Variants in CALM2 observed in about 807,000 individuals in gnomAD.
The protein encoded by CALM2 is calmodulin-2.
In CALM2, 2 loss-of-function variants were observed where a neutral mutation model predicts 19.8. That is an observed-to-expected ratio of 0.10 (90% CI 0.04 to 0.32). CALM2 has a LOEUF of 0.32. Among genes scored for constraint, CALM2 ranks in the 10% least tolerant of loss-of-function variants. The pLI, the probability that CALM2 is intolerant of heterozygous loss-of-function variation, is 1.00. For missense variants in CALM2, 38 were observed against 178.7 expected (o/e 0.21, Z 4.49); for synonymous variants, 51 against 52.1 (o/e 0.98, Z 0.09).
rs774005966 is a variant in CALM2 at position 47,162,477 on chromosome 2, A to G, written c.178+42T>C. ...GGTTTAGTGGAAACATCTAAGTATC[A>G]CTTCTTCAACCCCTCCCAGCCCCAC... On this transcript the variant is annotated intron_variant, in intron 3 of 5. Transcript: ENST00000272298. The G allele has an allele frequency of 4.3e-6, 7 of 1,612,636 alleles. No individual in the cohort carries two copies. In the South Asian group the frequency reaches 5.5e-5, roughly 13 times the overall value.
intron 1 of CALM2, chr2:47,173,411 A>T (rs1370344319): frequency 5.9e-5 from 9 of 152,184 alleles, no homozygotes; most frequent in African/African-American, 2.2e-4. Flanking sequence ...AATTCTTCCC[A>T]CTGCTCTTGC....
chr2:47,175,900 G>A (rs1444572541), intron 1 of CALM2, among the ~76,000 whole-genome samples: 3 of 149,830 alleles, frequency 2.0e-5, no homozygotes, highest in Non-Finnish European at 4.5e-5. Context: ...GCGCCCCCTG[G>A]ATCCCGGCAC....
At chr2:47,169,932 G>A in intron 2 of CALM2, among the ~76,000 whole-genome samples, 1 of 142,186 alleles carries the variant, frequency 7.0e-6, no homozygotes. Context: ...GAAAACAAAG[G>A]AATAGTTTGC....
chr2:47,175,329 C>A (rs1055456037), intron 1 of CALM2, among the ~76,000 whole-genome samples: 3 of 152,072 alleles, frequency 2.0e-5, no homozygotes, highest in African/African-American at 7.2e-5. Context: ...AACATTAGGA[C>A]TGCACGCTGT....
chr2:47,174,866 T>A (rs559015423), intron 1 of CALM2, among the ~76,000 whole-genome samples: 8 of 152,278 alleles, frequency 5.3e-5, no homozygotes, highest in Admixed American at 5.2e-4. Flanking sequence ...ATTTGAAGCA[T>A]CAAGATGAAG....
intron 2 of CALM2, among the ~76,000 whole-genome samples, chr2:47,166,095 A>G (rs1295556178): frequency 6.6e-6 from 1 of 152,248 alleles, no homozygotes; most frequent in Non-Finnish European, 1.5e-5. Flanking sequence ...GATAGTATAC[A>G]GTGCTAACCT....
In CALM2 at chr2:47,175,700, C is replaced by G. The variant is rs547118102; in HGVS notation, c.3+741G>C. Among the ~76,000 whole-genome samples the G allele has an allele frequency of 7.2e-5, 11 of 151,984 alleles. No homozygotes were observed. The South Asian group carries it at 2.3e-3, about 31-fold the overall frequency. On this transcript the variant is annotated intron_variant, in intron 1 of 5. Coordinates refer to ENST00000272298, the MANE Select transcript of CALM2 (RefSeq NM_001743.6). ...GAGGCCCCCCTCCCCCGCCCATCCC[C>G]GCCAATGGCCCCGCAGCGCCAAGGA...
At chr2:47,173,509 A>T (rs1246653417) in intron 1 of CALM2, 1 of 152,232 alleles carries the variant, frequency 6.6e-6, no homozygotes, top group Admixed American at 6.5e-5. Context: ...GGAGAACCAT[A>T]GGTGATCTGT....
chr2:47,163,656 TC>T (rs1666340930), intron 2 of CALM2: 2 of 152,030 alleles, frequency 1.3e-5, no homozygotes, highest in African/African-American at 4.8e-5. Flanking sequence ...GGCCTCGAAC[TC>T]CCAACCTCAG....
intron 2 of CALM2, chr2:47,163,846 A>C (rs932842889): frequency 2.6e-5 from 4 of 152,194 alleles, no homozygotes; most frequent in African/African-American, 7.3e-5. Context: ...AGCCAGGTGC[A>C]GTGGCTCACA....
intron 1 of CALM2, 199 bp from the exon 2 acceptor site, chr2:47,170,963 AT>A: frequency 1.8e-6 from 1 of 547,182 alleles, no homozygotes; most frequent in Non-Finnish European, 3.3e-6. Context: ...AGTTTAAGAT[AT>A]ACAAATACTT....
At chr2:47,169,671 C>A (rs1203634827) in intron 2 of CALM2, among the ~76,000 whole-genome samples, 1 of 152,148 alleles carries the variant, frequency 6.6e-6, no homozygotes, top group Non-Finnish European at 1.5e-5. Flanking sequence ...TAATAGCTTT[C>A]TACCTACAGT....
chr2:47,162,127 T>C (rs1421230168), intron 4 of CALM2, among the ~76,000 whole-genome samples, 159 bp downstream of exon 4: 1 of 135,364 alleles, frequency 7.4e-6, no homozygotes, highest in Non-Finnish European at 1.5e-5. Flanking sequence ...TACTGAATTC[T>C]TAAAAAGCTT....
intron 1 of CALM2, chr2:47,172,123 G>T (rs545190688): frequency 2.4e-3 from 229 of 97,414 alleles, no homozygotes; most frequent in Non-Finnish European, 4.1e-3. Flanking sequence ...TATTTGGTGT[G>T]AAGTCAGTCA....
At chr2:47,165,850 T>C (rs1020392778) in intron 2 of CALM2, among the ~76,000 whole-genome samples, 2 of 152,250 alleles carry the variant, frequency 1.3e-5, no homozygotes, top group Non-Finnish European at 2.9e-5. Context: ...GAGCCACTTT[T>C]AACTCTTTCA....
chr2:47,166,509 G>A (rs908436797), intron 2 of CALM2, among the ~76,000 whole-genome samples: 6 of 152,098 alleles, frequency 3.9e-5, no homozygotes, highest in Admixed American at 6.5e-5. Flanking sequence ...GTAAAATGCA[G>A]AAAATAAAAC....
At chr2:47,176,516 C>G, upstream of CALM2, 2 of 1,598,540 alleles carry the variant, frequency 1.3e-6, no homozygotes, top group Non-Finnish European at 1.7e-6. Flanking sequence ...CGGACTAATT[C>G]GCCTCCTCCG....
At chr2:47,176,726 G>T (rs373600345), upstream of CALM2, 16 of 1,380,862 alleles carry the variant, frequency 1.2e-5, no homozygotes, top group East Asian at 1.1e-4. Context: ...CATTTCCAGC[G>T]AGCCGTTAAA....
At chr2:47,165,173 C>A (rs1442203917) in intron 2 of CALM2, among the ~76,000 whole-genome samples, 3 of 152,174 alleles carry the variant, frequency 2.0e-5, no homozygotes, top group African/African-American at 7.2e-5. Context: ...GTCAGTCACC[C>A]AATCCATCAA....
Sources: gnomAD v4.1 joint callset for allele counts (sites outside exome capture counted in the v4.1 genomes callset) on GRCh38, gnomAD v4.1.1 for gene constraint, MANE v1.5 for transcripts, NCBI Gene and HGNC (gene_info 2026-07-23, HGNC 2026-07-21) for gene names.